Variants in CAMK1D observed in about 807,000 individuals in gnomAD.
CAMK1D encodes the protein calcium/calmodulin-dependent protein kinase type 1D.
A neutral mutation model predicts 47.7 loss-of-function variants in CAMK1D; 9 were observed. That is an observed-to-expected ratio of 0.19 (90% confidence interval 0.11 to 0.33). CAMK1D has a LOEUF of 0.33. CAMK1D is among the 10% of genes least tolerant of loss of function. CAMK1D has a pLI of 1.00. For missense variants in CAMK1D, 291 were observed against 488.7 expected (o/e 0.60, Z 3.81); for synonymous variants, 184 against 184.9 (o/e 0.99, Z 0.04).
At chr10:12,659,623 C>A (rs1352644846) in intron 2 of CAMK1D, among the ~76,000 whole-genome samples, 1 of 151,898 alleles carries the variant, frequency 6.6e-6, no homozygotes, top group Non-Finnish European at 1.5e-5. Flanking sequence ...AGAATTTGAC[C>A]CTAGTAAGGA....
chr10:12,826,703 G>C (rs979952611), intron 10 of CAMK1D, among the ~76,000 whole-genome samples: 8 of 152,108 alleles, frequency 5.3e-5, no homozygotes, highest in Non-Finnish European at 1.0e-4. Flanking sequence ...TCCTCTCTAA[G>C]GAATCTTCCC....
intron 1 of CAMK1D, among the ~76,000 whole-genome samples, chr10:12,482,827 G>T (rs1378901527): frequency 6.6e-6 from 1 of 152,194 alleles, no homozygotes; most frequent in Non-Finnish European, 1.5e-5. Flanking sequence ...CGGTGCTGGA[G>T]AGCTCCTTGT....
chr10:12,531,247 T>C (rs1835796349), intron 1 of CAMK1D, among the ~76,000 whole-genome samples: 1 of 152,172 alleles, frequency 6.6e-6, no homozygotes, highest in Non-Finnish European at 1.5e-5. Flanking sequence ...TTGATGATGA[T>C]ATGCTGATAA....
chr10:12,349,843 A>T lies in CAMK1D; in HGVS notation c.25A>T (p.Ser9Cys). The change falls in exon 1 of 11, where the codon AGC (serine) becomes TGC (cysteine). Residue 9 changes from serine to cysteine, a missense_variant. Physicochemically the swap from Ser to Cys is moderately radical, Grantham distance 112 (BLOSUM62 -1). Around this residue, in one of 2 missense-constraint regions of CAMK1D, gnomAD observed 219 missense variants for 424.3 expected, o/e 0.52. Coordinates refer to ENST00000619168, the MANE Select transcript of CAMK1D (RefSeq NM_153498.4). ...CATGGCCCGGGAGAACGGCGAGAGC[A>T]GCTCCTCCTGGAAAAAGCAAGCTGA... is the stretch of plus-strand genomic sequence containing the variant. MARENGES[S>C]SSWKKQAEDI... 1 of 1,524,262 alleles carries T rather than the reference A, an allele frequency of 6.6e-7. No individual in the cohort carries two copies. The highest frequency in any genetic ancestry group is 2.8e-5 in the East Asian group (1 of 35,296). The allele number at this position is 1,524,262 out of a possible 1,614,324, so 94.4% of individuals were successfully genotyped here.
At chr10:12,376,411 C>T (rs2131865368) in intron 1 of CAMK1D, among the ~76,000 whole-genome samples, 1 of 152,252 alleles carries the variant, frequency 6.6e-6, no homozygotes, top group East Asian at 1.9e-4. Flanking sequence ...GAAGGCTGTG[C>T]TGACCGAGAT....
intron 2 of CAMK1D, among the ~76,000 whole-genome samples, chr10:12,619,000 GTC>G (rs1032686433): frequency 6.6e-6 from 1 of 152,204 alleles, no homozygotes; most frequent in African/African-American, 2.4e-5. Flanking sequence ...TTACTCCAAA[GTC>G]TCTCTCTCTC....
chr10:12,408,497 G>A (rs758771430), intron 1 of CAMK1D, among the ~76,000 whole-genome samples: 1 of 152,176 alleles, frequency 6.6e-6, no homozygotes, highest in Non-Finnish European at 1.5e-5. Flanking sequence ...TCAATGTTGT[G>A]TTTGAGACAC....
At chr10:12,484,428 A>C (rs1373511333) in intron 1 of CAMK1D, among the ~76,000 whole-genome samples, 1 of 152,272 alleles carries the variant, frequency 6.6e-6, no homozygotes, top group Non-Finnish European at 1.5e-5. Flanking sequence ...AACAGGGATC[A>C]CACAATCGTT....
At chr10:12,521,851 G>A (rs1483950755) in intron 1 of CAMK1D, among the ~76,000 whole-genome samples, 1 of 151,442 alleles carries the variant, frequency 6.6e-6, no homozygotes. Flanking sequence ...CTTTTTCATG[G>A]ATGTTCTTGT....
intron 3 of CAMK1D, among the ~76,000 whole-genome samples, chr10:12,715,482 G>A (rs1248770278): frequency 6.6e-6 from 1 of 152,186 alleles, no homozygotes; most frequent in East Asian, 1.9e-4. Context: ...CTCTGTAGAT[G>A]GATACAGCCA....
chr10:12,623,732 G>A (rs1008878377), intron 2 of CAMK1D, among the ~76,000 whole-genome samples: 10 of 151,614 alleles, frequency 6.6e-5, no homozygotes, highest in Non-Finnish European at 1.5e-4. Flanking sequence ...CCCCAAAATA[G>A]CATTTTACTT....
intron 8 of CAMK1D, among the ~76,000 whole-genome samples, chr10:12,819,207 G>T (rs1298626598): frequency 6.6e-6 from 1 of 152,220 alleles, no homozygotes; most frequent in Non-Finnish European, 1.5e-5. Context: ...CCAGCAGGAG[G>T]TGGAGGCCCT....
At chr10:12,826,721 T>G (rs534761079) in intron 10 of CAMK1D, among the ~76,000 whole-genome samples, 1 of 152,178 alleles carries the variant, frequency 6.6e-6, no homozygotes, top group African/African-American at 2.4e-5. Flanking sequence ...CCCATCTCAT[T>G]TGGGACCATC....
chr10:12,799,763 A>G (rs1450794741), intron 6 of CAMK1D, among the ~76,000 whole-genome samples: 1 of 152,142 alleles, frequency 6.6e-6, no homozygotes, highest in African/African-American at 2.4e-5. Context: ...TACTCTGCAC[A>G]CATGCTCCGG....
rs1166288705 is a variant in CAMK1D, at chr10:12,828,802, C to A, written c.1073C>A (p.Ser358Tyr). ...LAPSTLCSFI[S>Y]SSSGVSGVGA... ...CCTTCCACGCTCTGTAGTTTCATTT[C>A]TTCTTCGTCGGGGGTCTCAGGAGTT... The change falls in exon 11 of 11, where the codon TCT becomes TAT. Residue 358 changes from serine to tyrosine, a missense_variant. Physicochemically the swap from Ser to Tyr is moderately radical, Grantham distance 144 (BLOSUM62 -2). Coordinates refer to ENST00000619168, the MANE Select transcript of CAMK1D (RefSeq NM_153498.4). 2 of 1,613,736 alleles carry A rather than the reference C, an allele frequency of 1.2e-6. No individual in the cohort carries two copies. Among genetic ancestry groups the A allele is most frequent in the Admixed American group, 3.3e-5 (2 of 59,994 alleles).
chr10:12,379,202 C>T (rs1320370108), intron 1 of CAMK1D, among the ~76,000 whole-genome samples: 1 of 152,188 alleles, frequency 6.6e-6, no homozygotes, highest in Non-Finnish European at 1.5e-5. Flanking sequence ...GGCCTGCAGG[C>T]TTTCTCAGTC....
intron 10 of CAMK1D, among the ~76,000 whole-genome samples, chr10:12,826,981 C>T (rs574125041): frequency 2.4e-4 from 37 of 152,366 alleles, no homozygotes; most frequent in Non-Finnish European, 4.3e-4. Flanking sequence ...CGGCTGAGGC[C>T]TCTCATATCA....
chr10:12,649,486 G>T (rs1588732697), intron 2 of CAMK1D, among the ~76,000 whole-genome samples: 1 of 152,302 alleles, frequency 6.6e-6, no homozygotes. Context: ...CAAGGTGTTT[G>T]TTGTTAAAGA....
chr10:12,464,438 C>G (rs951306665), intron 1 of CAMK1D, among the ~76,000 whole-genome samples: 1 of 152,142 alleles, frequency 6.6e-6, no homozygotes, highest in Non-Finnish European at 1.5e-5. Context: ...ACCATTTGAT[C>G]GTGTGGCTTT....
Sources: gnomAD v4.1 joint callset for allele counts (sites outside exome capture counted in the v4.1 genomes callset) on GRCh38, gnomAD v4.1.1 for gene constraint, gnomAD v4.1.1 regional missense constraint, MANE v1.5 for transcripts, NCBI Gene and HGNC (gene_info 2026-07-23, HGNC 2026-07-21) for gene names.